The following GNA14 variants were observed in gnomAD, a reference collection of about 807,000 sequenced individuals.
The protein encoded by GNA14 is G protein subunit alpha 14.
Under a neutral mutation model 42.0 loss-of-function variants are expected in GNA14, and 50 were observed. The ratio of observed to expected loss-of-function variants is 1.19; its 90% confidence interval spans 0.95 to 1.51. The LOEUF (loss-of-function observed/expected upper bound fraction) is 1.51, where lower values mean the gene tolerates loss of function less well. Among genes scored for constraint, GNA14 ranks in the 40% most tolerant of loss-of-function variants. The pLI is 0.00. For missense variants in GNA14, 473 were observed against 446.2 expected, an observed-to-expected ratio of 1.06 and a Z score of -0.54; for synonymous variants, 173 against 163.1, an observed-to-expected ratio of 1.06 and a Z score of -0.46.
chr9:77,633,718 G>C (rs934190138), intron 1 of GNA14, among the ~76,000 whole-genome samples: 1 of 151,592 alleles, frequency 6.6e-6, no homozygotes, highest in Admixed American at 6.6e-5. Context: ...CTGGCTCTAG[G>C]AGGCAAAAGC....
chr9:77,486,342 C>A (rs750884635), intron 2 of GNA14, among the ~76,000 whole-genome samples: 1 of 152,166 alleles, frequency 6.6e-6, no homozygotes, highest in Non-Finnish European at 1.5e-5. Flanking sequence ...GAGTTAGGGC[C>A]TGGCTCTGGA....
At position 77,647,748 on chromosome 9, in the gene GNA14, G is replaced by A; in HGVS notation, c.46C>T (p.Arg16Cys). 1.2e-6 allele frequency: 2 copies of A among 1,609,850 alleles called. No individual in the cohort carries two copies. The highest frequency in any genetic ancestry group is 1.7e-6 in the Non-Finnish European group (2 of 1,178,570). Reference sequence around the variant, plus strand: ...TGTCGCTCGATCTCCGCGCTGATGCGCTGCGACTCCTTCTCCTCCGCGGAC... The same window carrying A: ...TGTCGCTCGATCTCCGCGCTGATGCACTGCGACTCCTTCTCCTCCGCGGAC... ...CLSAEEKESQ[R>C]ISAEIERQLR... The change falls in exon 1 of 7, where the codon CGC becomes TGC. Residue 16 changes from arginine (R) to cysteine (C), a missense_variant. Transcript: ENST00000341700.
At position 77,617,606 on chromosome 9, in the gene GNA14, A is replaced by C. The variant is rs139471756; in HGVS notation, c.124+30064T>G. 6.3e-3 allele frequency among the ~76,000 whole-genome samples: 964 copies of C among 152,206 alleles called. 13 individuals carry two copies. The highest frequency in any genetic ancestry group is 0.022 in the African/African-American group (913 of 41,554). ...AGCAATCAGAGCTTTCTTTTTAAAA[A>C]GACCATCAAATCACTTCTCCACGCC... is the stretch of plus-strand genomic sequence containing the variant. On this transcript the variant is annotated intron_variant, in intron 1 of 6. Transcript: ENST00000341700.
intron 1 of GNA14, among the ~76,000 whole-genome samples, chr9:77,545,776 C>T (rs946131651): frequency 6.6e-6 from 1 of 152,154 alleles, no homozygotes; most frequent in Non-Finnish European, 1.5e-5. Context: ...TTCTCTTCTC[C>T]CTGTTACTAC....
At chr9:77,626,948 T>C (rs2117992422) in intron 1 of GNA14, among the ~76,000 whole-genome samples, 1 of 152,300 alleles carries the variant, frequency 6.6e-6, no homozygotes, top group East Asian at 1.9e-4. Flanking sequence ...ACGCAGGAGC[T>C]GGTTTTCTGA....
intron 2 of GNA14, among the ~76,000 whole-genome samples, chr9:77,442,065 T>G (rs1471919421): frequency 6.6e-6 from 1 of 152,162 alleles, no homozygotes. Flanking sequence ...GCAAATATGC[T>G]TGAAAGTAGT....
At chr9:77,538,718 T>C (rs1261362266) in intron 1 of GNA14, among the ~76,000 whole-genome samples, 1 of 152,190 alleles carries the variant, frequency 6.6e-6, no homozygotes, top group Non-Finnish European at 1.5e-5. Flanking sequence ...TCTTGATTTC[T>C]TTTTCAGCTG....
chr9:77,567,861 C>T (rs62573421), intron 1 of GNA14, among the ~76,000 whole-genome samples: 5 of 152,006 alleles, frequency 3.3e-5, no homozygotes, highest in Admixed American at 2.6e-4. Flanking sequence ...AGAGAGACTC[C>T]GTCTCAAAAA....
rs370614239 is a variant in GNA14 at position 77,567,570 on chromosome 9, G to T, written c.125-38317C>A. 9.2e-5 allele frequency among the ~76,000 whole-genome samples: 14 copies of T among 152,182 alleles called. No individual in the cohort carries two copies. The East Asian group carries it at 2.5e-3, about 27-fold the overall frequency. ...AAAATGCTTGTGGGGCAGTTTTCCAGGGTAAAGATATTCCGGCTGGGTGTG... is the reference window on the plus strand; with the variant it reads ...AAAATGCTTGTGGGGCAGTTTTCCATGGTAAAGATATTCCGGCTGGGTGTG... On this transcript the variant is annotated intron_variant, in intron 1 of 6. Transcript: ENST00000341700.
intron 1 of GNA14, among the ~76,000 whole-genome samples, chr9:77,611,684 GATC>G (rs1823735658): frequency 6.6e-6 from 1 of 152,124 alleles, no homozygotes; most frequent in Non-Finnish European, 1.5e-5. Flanking sequence ...TTACACGTAT[GATC>G]ATCAGAGAAA....
chr9:77,635,623 A>T (rs1824172415), intron 1 of GNA14, among the ~76,000 whole-genome samples: 1 of 152,206 alleles, frequency 6.6e-6, no homozygotes, highest in Non-Finnish European at 1.5e-5. Flanking sequence ...ATGTCCATAT[A>T]AATTAACATT....
intron 2 of GNA14, among the ~76,000 whole-genome samples, chr9:77,495,861 C>T (rs1468217290): frequency 6.6e-6 from 1 of 152,178 alleles, no homozygotes; most frequent in Admixed American, 6.5e-5. Context: ...CCTAGCCAAA[C>T]ACTAAAGAAA....
chr9:77,444,746 A>C (rs1835788132), intron 2 of GNA14, among the ~76,000 whole-genome samples: 1 of 152,152 alleles, frequency 6.6e-6, no homozygotes, highest in Admixed American at 6.5e-5. Context: ...TCCCTGACAC[A>C]CAAGAGCTTC....
At chr9:77,545,724 T>G (rs557262796) in intron 1 of GNA14, among the ~76,000 whole-genome samples, 1 of 151,692 alleles carries the variant, frequency 6.6e-6, no homozygotes, top group South Asian at 2.1e-4. Flanking sequence ...TCCGCATTAC[T>G]TTTCCCATAA....
At chr9:77,638,035 G>A (rs1379653666) in intron 1 of GNA14, among the ~76,000 whole-genome samples, 1 of 152,150 alleles carries the variant, frequency 6.6e-6, no homozygotes, top group Non-Finnish European at 1.5e-5. Context: ...GAATAATCAT[G>A]AGCACTTGCT....
chr9:77,563,501 A>C (rs1032721532), intron 1 of GNA14, among the ~76,000 whole-genome samples: 2 of 152,290 alleles, frequency 1.3e-5, no homozygotes, highest in African/African-American at 4.8e-5. Context: ...AGAGAACTGC[A>C]TTCCGAACCA....
chr9:77,537,601 T>C (rs889280157), intron 1 of GNA14, among the ~76,000 whole-genome samples: 3 of 152,226 alleles, frequency 2.0e-5, no homozygotes, highest in Non-Finnish European at 4.4e-5. Flanking sequence ...TAATACCTAG[T>C]AGTAGATTGC....
chr9:77,583,106 G>C (rs568238563), intron 1 of GNA14, among the ~76,000 whole-genome samples: 1 of 152,298 alleles, frequency 6.6e-6, no homozygotes, highest in South Asian at 2.1e-4. Flanking sequence ...AAAGCTCAGA[G>C]GTCTTGGGAT....
At chr9:77,554,266 A>G (rs1344553403) in intron 1 of GNA14, among the ~76,000 whole-genome samples, 1 of 152,166 alleles carries the variant, frequency 6.6e-6, no homozygotes, top group Non-Finnish European at 1.5e-5. Context: ...ACACATATAC[A>G]CACATCTGTA....
Sources: allele counts gnomAD v4.1 joint callset (sites outside exome capture counted in the v4.1 genomes callset), GRCh38; gene constraint gnomAD v4.1.1; transcripts MANE v1.5; gene names NCBI Gene and HGNC (gene_info 2026-07-23, HGNC 2026-07-21).